DCTN5: variants seen among roughly 807,000 people sequenced by gnomAD.
The protein encoded by DCTN5 is dynactin subunit 5.
In DCTN5, 14 loss-of-function variants were observed where a neutral mutation model predicts 23.5. That is an observed-to-expected ratio of 0.60 (90% CI 0.39 to 0.93). The LOEUF is 0.93. DCTN5 is among the 40% of genes least tolerant of loss of function. DCTN5 has a pLI of 0.00. For synonymous variants in DCTN5, 67 were observed against 79.6 expected, an observed-to-expected ratio of 0.84 and a Z score of 0.84; for missense variants, 156 against 225.9, an observed-to-expected ratio of 0.69 and a Z score of 1.98.
chr16:23,651,931 A>T (rs1466081316), intron 2 of DCTN5, among the ~76,000 whole-genome samples: 1 of 152,188 alleles, frequency 6.6e-6, no homozygotes, highest in African/African-American at 2.4e-5. Context: ...GCTACTCAGG[A>T]GGCTGAGGCA....
chr16:23,663,735 A>C (rs1246933024), intron 4 of DCTN5, among the ~76,000 whole-genome samples: 1 of 151,950 alleles, frequency 6.6e-6, no homozygotes, highest in East Asian at 1.9e-4. Flanking sequence ...AAAAAAAAAG[A>C]AGTTTCAGCT....
chr16:23,645,113 A>G (rs1195027417), intron 2 of DCTN5, among the ~76,000 whole-genome samples: 1 of 35,730 alleles, frequency 2.8e-5, no homozygotes, highest in Non-Finnish European at 5.3e-5. Context: ...ATATATATAT[A>G]TATATATATA....
intron 4 of DCTN5, 108 bp downstream of exon 4, chr16:23,661,389 C>T: frequency 1.4e-6 from 1 of 730,752 alleles, no homozygotes; most frequent in South Asian, 2.0e-5. Context: ...GCAGTGGTTT[C>T]CAGTCTTCCC....
chr16:23,643,953 A>T (rs914342990), intron 2 of DCTN5, among the ~76,000 whole-genome samples: 17 of 152,044 alleles, frequency 1.1e-4, no homozygotes, highest in Non-Finnish European at 2.4e-4. Flanking sequence ...TTTGAAATTA[A>T]TTTTTCTTTA....
rs1369291896 is a variant in DCTN5 at position 23,675,787 on chromosome 16, A to T, written c.*8643A>T. On this transcript the variant is annotated 3_prime_UTR_variant, in exon 6 of 6. Coordinates refer to ENST00000300087, the MANE Select transcript of DCTN5 (RefSeq NM_032486.4). The stretch of plus-strand genomic sequence containing the variant: ...TTCAGACTGACAACAGAGTGGGTCT[A>T]GCTTCTATGCTTTCCATGAAGATCT... The T allele has an allele frequency of 6.6e-6, 1 of 152,202 alleles. No individual in the cohort carries two copies. 9.4% of individuals were successfully genotyped at this position (152,202 alleles called of 1,614,324 possible).
At chr16:23,650,561 G>C (rs953316065) in intron 2 of DCTN5, among the ~76,000 whole-genome samples, 8 of 150,760 alleles carry the variant, frequency 5.3e-5, no homozygotes, top group African/African-American at 2.0e-4. Context: ...CCTGACCTCA[G>C]GTGATTGCCC....
intron 3 of DCTN5, 50 bp downstream of exon 3, chr16:23,658,675 G>A: frequency 1.4e-6 from 2 of 1,401,098 alleles, no homozygotes; most frequent in Non-Finnish European, 2.0e-6. Context: ...AGCTGCCACT[G>A]GTGGTGTGGT....
chr16:23,666,953 C>T, intron 5 of DCTN5, 94 bp from the exon 6 acceptor site: 1 of 1,545,250 alleles, frequency 6.5e-7, no homozygotes. Context: ...GTCAGACATG[C>T]ATCTGATTGA....
chr16:23,659,230 T>C (rs1967767472), intron 3 of DCTN5, among the ~76,000 whole-genome samples: 1 of 152,178 alleles, frequency 6.6e-6, no homozygotes, highest in Non-Finnish European at 1.5e-5. Context: ...TGAACGACTT[T>C]GACCCAAAGG....
intron 2 of DCTN5, among the ~76,000 whole-genome samples, chr16:23,652,331 A>G (rs962478735): frequency 3.3e-5 from 5 of 152,146 alleles, no homozygotes; most frequent in Admixed American, 1.3e-4. Flanking sequence ...TCCCGTAGCT[A>G]TCTCAAATTC....
At position 23,667,120 on chromosome 16, in the gene DCTN5, GT is replaced by G. The variant is rs1567234364; in HGVS notation, c.530del (p.Leu177CysfsTer3). 1.2e-6 allele frequency: 2 copies of G among 1,612,886 alleles called. No homozygotes were observed. The highest frequency in any genetic ancestry group is 1.3e-5 in the African/African-American group (1 of 74,992). On this transcript the variant is annotated frameshift_variant, in exon 6 of 6. Coordinates refer to ENST00000300087, the MANE Select transcript of DCTN5 (RefSeq NM_032486.4). LOFTEE classifies it high-confidence loss of function. ...ACGTCACCAAGAGCTACTACCAGAA[GT>G]TTTTGCCCCTGACGCAAGTCTAGCA... The part of the protein sequence containing the change: ...IDVTKSYYQK[F>X]LPLTQV
chr16:23,669,346 C>G lies in DCTN5; in HGVS notation c.*2202C>G, dbSNP rs1384495278. On this transcript the variant is annotated 3_prime_UTR_variant, in exon 6 of 6. Coordinates refer to ENST00000300087, the MANE Select transcript of DCTN5 (RefSeq NM_032486.4). ...AACAGGGATCTGTCTCTTTGGCTCT[C>G]AGCTCTGCTTTCATTTGAGTTGGCT... The G allele has an allele frequency of 6.6e-6, 1 of 152,262 alleles. No homozygotes were observed. Among genetic ancestry groups the G allele is most frequent in the African/African-American group, 2.4e-5 (1 of 41,458 alleles). The allele number at this position is 152,262 out of a possible 1,614,324, so 9.4% of individuals were successfully genotyped here.
chr16:23,666,715 A>T (rs1967912738), intron 5 of DCTN5: 1 of 439,728 alleles, frequency 2.3e-6, no homozygotes, highest in Non-Finnish European at 4.0e-6. Context: ...AATAAATCTC[A>T]TCTCTCAGAT....
At chr16:23,667,007 C>T in intron 5 of DCTN5, 40 bp from the exon 6 acceptor site, 1 of 1,612,150 alleles carries the variant, frequency 6.2e-7, no homozygotes, top group Non-Finnish European at 8.5e-7. Flanking sequence ...CTTCTTGTAA[C>T]TTCTTCAAGC....
chr16:23,648,671 A>C (rs1282227393), intron 2 of DCTN5, among the ~76,000 whole-genome samples: 1 of 151,648 alleles, frequency 6.6e-6, no homozygotes, highest in Non-Finnish European at 1.5e-5. Flanking sequence ...TTTTTTAAGG[A>C]ACGTTCATAC....
Position 23,668,786 on chromosome 16 carries a change from C to T in DCTN5, c.*1642C>T, listed in dbSNP as rs751402664. 4.6e-5 allele frequency: 7 copies of T among 152,190 alleles called. No individual in the cohort carries two copies. The highest frequency in any genetic ancestry group is 2.6e-4 in the Admixed American group (4 of 15,278). 9.4% of individuals were successfully genotyped at this position (152,190 alleles called of 1,614,324 possible). A position where few individuals can be genotyped will look rare whatever the true frequency, so the allele number is the denominator to read the frequency against. On this transcript the variant is annotated 3_prime_UTR_variant, in exon 6 of 6. Coordinates refer to ENST00000300087, the MANE Select transcript of DCTN5 (RefSeq NM_032486.4). ...TAGCTCCAGACCTGCATCCTCCTAGCTTGGGGGCTCTGAATGAAAGGTTTC... is the reference window on the plus strand; with the variant it reads ...TAGCTCCAGACCTGCATCCTCCTAGTTTGGGGGCTCTGAATGAAAGGTTTC...
intron 1 of DCTN5, 27 bp downstream of exon 1, chr16:23,641,617 C>T (rs754196261): frequency 6.2e-7 from 1 of 1,613,542 alleles, no homozygotes; most frequent in South Asian, 1.1e-5. Flanking sequence ...ATGTATCCTC[C>T]TCTTTCCAAC....
intron 2 of DCTN5, among the ~76,000 whole-genome samples, chr16:23,645,138 T>TATATATATATATA (rs1250036929): frequency 2.8e-5 from 1 of 35,144 alleles, no homozygotes; most frequent in Non-Finnish European, 5.2e-5. Context: ...TATATATATA[T>TATATATATATATA]TTTTTTTTTT....
rs1469955483 is a variant in DCTN5, at chr16:23,671,135, G to A, written c.*3991G>A. On this transcript the variant is annotated 3_prime_UTR_variant, in exon 6 of 6. Transcript: ENST00000300087. The stretch of plus-strand genomic sequence containing the variant: ...AGTCAGGCTGATCAAATCCCAGCCT[G>A]CCATTGGCTAGCCTTGTGACTTTGA... The A allele has an allele frequency of 6.6e-6, 1 of 152,168 alleles. No individual in the cohort carries two copies. Among genetic ancestry groups the A allele is most frequent in the Non-Finnish European group, 1.5e-5 (1 of 68,032 alleles). 9.4% of individuals were successfully genotyped at this position (152,168 alleles called of 1,614,324 possible). A position where few individuals can be genotyped will look rare whatever the true frequency, so the allele number is the denominator to read the frequency against.
Sources: allele counts gnomAD v4.1 joint callset (sites outside exome capture counted in the v4.1 genomes callset), GRCh38; gene constraint gnomAD v4.1.1; transcripts MANE v1.5; gene names NCBI Gene and HGNC (gene_info 2026-07-23, HGNC 2026-07-21).